The following NDUFA12 variants were observed in gnomAD, a reference collection of about 807,000 sequenced individuals.
NDUFA12 encodes the protein NADH:ubiquinone oxidoreductase subunit A12.
In NDUFA12, 17 loss-of-function variants were observed where a neutral mutation model predicts 20.3. The ratio of observed to expected loss-of-function variants is 0.84; its 90% confidence interval spans 0.57 to 1.26. NDUFA12 has a LOEUF of 1.26. Ranked by LOEUF, NDUFA12 falls within the 50% of genes most tolerant of loss-of-function variation. The probability of loss-of-function intolerance (pLI) is 0.00; values close to 1 mark genes in which losing one functional copy is unlikely to be tolerated. For missense variants in NDUFA12, 191 were observed against 183.7 expected (o/e 1.04, Z -0.23); for synonymous variants, 72 against 63.6 (o/e 1.13, Z -0.63).
chr12:94,977,829 T>C (rs894449630), intron 3 of NDUFA12, among the ~76,000 whole-genome samples: 6 of 152,148 alleles, frequency 3.9e-5, no homozygotes, highest in Non-Finnish European at 8.8e-5. Flanking sequence ...AAAAAAATGT[T>C]AAGCAGAGGT....
At chr12:94,992,731 C>T (rs924184102) in intron 3 of NDUFA12, among the ~76,000 whole-genome samples, 1 of 152,156 alleles carries the variant, frequency 6.6e-6, no homozygotes, top group African/African-American at 2.4e-5. Context: ...AACTATACCC[C>T]CAGCTGACAG....
At chr12:94,997,722 C>A (rs1255761545) in intron 2 of NDUFA12, among the ~76,000 whole-genome samples, 1 of 151,978 alleles carries the variant, frequency 6.6e-6, no homozygotes, top group Non-Finnish European at 1.5e-5. Context: ...TAAACTGGGA[C>A]GTATAATGCA....
intron 2 of NDUFA12, 102 bp from the exon 3 acceptor site, chr12:94,994,359 G>T: frequency 1.2e-6 from 1 of 859,522 alleles, no homozygotes; most frequent in Non-Finnish European, 1.9e-6. Context: ...AAGACTTTTT[G>T]TGATCTTATA....
At chr12:94,984,736 A>AAAAAAAAAAAC (rs36013656) in intron 3 of NDUFA12, among the ~76,000 whole-genome samples, 14 of 74,158 alleles carry the variant, frequency 1.9e-4, no homozygotes, top group East Asian at 4.4e-4. Context: ...ACAACAAAAA[A>AAAAAAAAAAAC]CCCATATATA....
At chr12:94,977,470 CAA>C (rs11330323) in intron 3 of NDUFA12, among the ~76,000 whole-genome samples, 89 of 145,872 alleles carry the variant, frequency 6.1e-4, no homozygotes, top group Admixed American at 8.2e-4. Flanking sequence ...GACCTTGTGT[CAA>C]AAAAAAAAAA....
At chr12:94,987,259 CA>C (rs1874476294) in intron 3 of NDUFA12, among the ~76,000 whole-genome samples, 1 of 152,076 alleles carries the variant, frequency 6.6e-6, no homozygotes, top group Admixed American at 6.6e-5. Context: ...GAGGGACCTT[CA>C]ACAATATAAC....
chr12:94,999,684 A>C (rs1874956950), intron 2 of NDUFA12, among the ~76,000 whole-genome samples: 1 of 152,222 alleles, frequency 6.6e-6, no homozygotes, highest in East Asian at 1.9e-4. Flanking sequence ...GACAATTCTC[A>C]AAAGAAGATA....
rs1282855237 is a variant in NDUFA12 at position 94,971,583 on chromosome 12, T to C, written c.295A>G (p.Thr99Ala). ...WLHSMTDDPPTTKPLTARKFI... is the reference protein window; with the variant it reads ...WLHSMTDDPPATKPLTARKFI... ...TTACGAGCAGTAAGTGGTTTTGTTG[T>C]TGGAGGATCATCAGTCATACTGTGA... Residue 99 changes from threonine to alanine, a missense_variant, in exon 4 of 4, where the codon ACA (threonine) becomes GCA (alanine). Physicochemically the swap from Thr to Ala is moderately conservative, Grantham distance 58. Transcript: ENST00000327772. The C allele has an allele frequency of 1.2e-6, 2 of 1,614,152 alleles. No homozygotes were observed. The highest frequency in any genetic ancestry group is 1.7e-6 in the Non-Finnish European group (2 of 1,180,026).
intron 3 of NDUFA12, among the ~76,000 whole-genome samples, chr12:94,992,826 G>T (rs1172784637): frequency 6.6e-6 from 1 of 152,104 alleles, no homozygotes; most frequent in African/African-American, 2.4e-5. Context: ...TGAGGCTCCA[G>T]ACATCAGACA....
intron 3 of NDUFA12, among the ~76,000 whole-genome samples, chr12:94,991,235 T>C (rs1295947624): frequency 2.0e-5 from 3 of 151,958 alleles, no homozygotes; most frequent in Non-Finnish European, 2.9e-5. Flanking sequence ...GATTGTGCCA[T>C]TGCTCTCCAG....
chr12:94,998,222 A>G (rs1353193981), intron 2 of NDUFA12, among the ~76,000 whole-genome samples: 1 of 152,252 alleles, frequency 6.6e-6, no homozygotes, highest in East Asian at 1.9e-4. Context: ...AGAATTAAAA[A>G]TAAAAATCAT....
chr12:94,974,218 C>T (rs1182283047), intron 3 of NDUFA12, among the ~76,000 whole-genome samples: 7 of 151,810 alleles, frequency 4.6e-5, no homozygotes, highest in East Asian at 1.9e-4. Context: ...GTGATTTGCC[C>T]GCCTCGGCCT....
chr12:94,976,048 G>C (rs1043958981), intron 3 of NDUFA12, among the ~76,000 whole-genome samples: 1 of 151,998 alleles, frequency 6.6e-6, no homozygotes, highest in Non-Finnish European at 1.5e-5. Flanking sequence ...AAGAGAGAGA[G>C]AGACAGAGAA....
chr12:94,978,991 G>A (rs1399464793), intron 3 of NDUFA12, among the ~76,000 whole-genome samples: 1 of 152,202 alleles, frequency 6.6e-6, no homozygotes, highest in East Asian at 1.9e-4. Context: ...TACATTATAT[G>A]AGAAATGTGT....
Position 94,984,486 on chromosome 12 carries a change from C to T in NDUFA12, c.257+9684G>A, listed in dbSNP as rs551794410. On this transcript the variant is annotated intron_variant, in intron 3 of 3. Coordinates refer to ENST00000327772, the MANE Select transcript of NDUFA12 (RefSeq NM_018838.5). ...GGAGGTTGCGGTTGAGCTGAGATTG[C>T]GCCATTGCACTCCAGCCTGGGCAGT... Among the ~76,000 whole-genome samples the T allele has an allele frequency of 4.6e-5, 7 of 151,778 alleles. No individual in the cohort carries two copies. In the South Asian group the frequency reaches 1.3e-3, roughly 27 times the overall value.
At chr12:94,990,252 TAA>T (rs1368814642) in intron 3 of NDUFA12, among the ~76,000 whole-genome samples, 2 of 131,926 alleles carry the variant, frequency 1.5e-5, no homozygotes, top group East Asian at 2.3e-4. Context: ...AGGAAAAAAA[TAA>T]AGAGACATAG....
chr12:94,989,630 C>T lies in NDUFA12; in HGVS notation c.257+4540G>A, dbSNP rs192697564. On this transcript the variant is annotated intron_variant, in intron 3 of 3. Coordinates refer to ENST00000327772, the MANE Select transcript of NDUFA12 (RefSeq NM_018838.5). ...TCAAAGGTACTCAGACCTTAGGAGG[C>T]TCCTCTCCACAAAGAAATGCAGCTT... 5.0e-3 allele frequency among the ~76,000 whole-genome samples: 761 copies of T among 152,312 alleles called. 4 individuals are homozygous for T. Among genetic ancestry groups the T allele is most frequent in the African/African-American group, 0.017 (723 of 41,560 alleles).
intron 3 of NDUFA12, among the ~76,000 whole-genome samples, chr12:94,991,125 A>C (rs1874627557): frequency 6.6e-6 from 1 of 151,940 alleles, no homozygotes; most frequent in African/African-American, 2.4e-5. Flanking sequence ...CTGTACTAAA[A>C]ATACAAAAAA....
At chr12:94,971,658 G>A in intron 3 of NDUFA12, 38 bp from the exon 4 acceptor site, 1 of 1,609,020 alleles carries the variant, frequency 6.2e-7, no homozygotes, top group Non-Finnish European at 8.5e-7. Context: ...TTATGAAGAG[G>A]CAGTACAGCA....
Sources: gnomAD v4.1 joint callset for allele counts (sites outside exome capture counted in the v4.1 genomes callset) on GRCh38, gnomAD v4.1.1 for gene constraint, MANE v1.5 for transcripts, NCBI Gene and HGNC (gene_info 2026-07-23, HGNC 2026-07-21) for gene names.